The following IQUB variants were observed in gnomAD, a reference collection of about 807,000 sequenced individuals.
IQUB encodes the protein IQ motif and ubiquitin-like domain-containing protein.
Under a neutral mutation model 86.4 loss-of-function variants are expected in IQUB, and 86 were observed. The observed-to-expected ratio is 1.00, with a 90% CI of 0.84 to 1.19. IQUB has a LOEUF of 1.19. Ranked by LOEUF, IQUB falls within the 50% of genes most tolerant of loss-of-function variation. The probability of loss-of-function intolerance (pLI) is 0.00; values close to 1 mark genes in which losing one functional copy is unlikely to be tolerated. For synonymous variants in IQUB, 289 were observed against 304.5 expected (o/e 0.95, Z 0.53); for missense variants, 946 against 916.9 (o/e 1.03, Z -0.41).
At chr7:123,526,986 G>T (rs996939667) in intron 1 of IQUB, among the ~76,000 whole-genome samples, 7 of 151,946 alleles carry the variant, frequency 4.6e-5, no homozygotes, top group African/African-American at 1.5e-4. Context: ...TGAAATTCTG[G>T]GTTGAAAATT....
At chr7:123,457,283 G>T in intron 12 of IQUB, 98 bp downstream of exon 12, 5 of 1,467,724 alleles carry the variant, frequency 3.4e-6, no homozygotes, top group South Asian at 2.9e-5. Context: ...TAATCTGATG[G>T]AAGTATTTAA....
chr7:123,452,999 G>C, intron 12 of IQUB, 74 bp from the exon 13 acceptor site: 1 of 1,124,836 alleles, frequency 8.9e-7, no homozygotes, highest in South Asian at 1.6e-5. Flanking sequence ...GTCATGCCTC[G>C]GTGCCTTTGC....
At chr7:123,532,352 C>G (rs1275298472) in intron 1 of IQUB, 3 of 152,030 alleles carry the variant, frequency 2.0e-5, no homozygotes, top group Non-Finnish European at 4.4e-5. Flanking sequence ...AAAAGGAAAG[C>G]TTTGTCTTCA....
At chr7:123,461,275 C>A (rs1221655213) in intron 11 of IQUB, 82 bp downstream of exon 11, 42 of 1,358,424 alleles carry the variant, frequency 3.1e-5, no homozygotes, top group African/African-American at 4.4e-5. Context: ...CAATCACACA[C>A]ACACACACAA....
intron 9 of IQUB, among the ~76,000 whole-genome samples, chr7:123,468,548 T>A (rs199504828): frequency 2.6e-5 from 1 of 38,114 alleles, no homozygotes; most frequent in Non-Finnish European, 5.4e-5. Context: ...CAATACGTGG[T>A]CAAAATTGTC....
At chr7:123,524,867 T>A (rs1455312812) in intron 1 of IQUB, among the ~76,000 whole-genome samples, 1 of 151,520 alleles carries the variant, frequency 6.6e-6, no homozygotes, top group Non-Finnish European at 1.5e-5. Context: ...TATTTTCAGA[T>A]ACGTCCCATC....
chr7:123,528,973 A>C (rs1339302487), intron 1 of IQUB, among the ~76,000 whole-genome samples: 1 of 152,200 alleles, frequency 6.6e-6, no homozygotes, highest in Non-Finnish European at 1.5e-5. Flanking sequence ...CACATATTAA[A>C]AGTGTGAAAT....
At chr7:123,464,810 A>T (rs1319303724) in intron 10 of IQUB, 23 bp downstream of exon 10, 3 of 1,481,412 alleles carry the variant, frequency 2.0e-6, no homozygotes, top group Non-Finnish European at 2.7e-6. Context: ...TGAAACAGGA[A>T]TATAGAGAAA....
At chr7:123,457,041 C>A (rs1010149025) in intron 12 of IQUB, 14 of 319,360 alleles carry the variant, frequency 4.4e-5, no homozygotes, top group African/African-American at 3.2e-4. Context: ...AAACTCCATT[C>A]TGTGACAGGC....
At chr7:123,530,962 T>C (rs1797514242) in intron 1 of IQUB, among the ~76,000 whole-genome samples, 1 of 152,132 alleles carries the variant, frequency 6.6e-6, no homozygotes, top group African/African-American at 2.4e-5. Context: ...GGCTGCTCTT[T>C]GAGAGCTTTA....
Position 123,461,506 on chromosome 7 carries a change from G to A in IQUB, c.1858C>T (p.Arg620Cys), listed in dbSNP as rs141036933. The A allele has an allele frequency of 2.4e-5, 38 of 1,612,156 alleles. No homozygotes were observed. Among genetic ancestry groups the A allele is most frequent in the South Asian group, 3.3e-5 (3 of 91,026 alleles). Residue 620 changes from arginine (R) to cysteine (C), a missense_variant, in exon 11 of 13, where the codon CGC becomes TGC. Arg to Cys is a radical substitution (Grantham distance 180, BLOSUM62 -3). Transcript: ENST00000324698. Reference protein sequence around the residue: ...STEFSVSSTSRRIYRCRNCIN... With the variant: ...STEFSVSSTSCRIYRCRNCIN... ...CAGTTACGACACCGGTATATGCGGCGTGAGGTGGATGATACAGAAAATTCT... is the reference window on the plus strand; with the variant it reads ...CAGTTACGACACCGGTATATGCGGCATGAGGTGGATGATACAGAAAATTCT...
At chr7:123,469,186 C>A in intron 9 of IQUB, 28 bp downstream of exon 9, 2 of 1,415,580 alleles carry the variant, frequency 1.4e-6, no homozygotes, top group Non-Finnish European at 1.9e-6. Flanking sequence ...GTGAACTCTA[C>A]CCCCAAACTA....
At position 123,463,587 on chromosome 7, in the gene IQUB, T is replaced by C. The variant is rs568852338; in HGVS notation, c.1758+1246A>G. ...TGACCTTCTGAAATAGATAAAACTA[T>C]AAAAATAAAACACATATCAGTGTTT... On this transcript the variant is annotated intron_variant, in intron 10 of 12. Transcript: ENST00000324698. Among the ~76,000 whole-genome samples the C allele has an allele frequency of 4.9e-4, 74 of 151,754 alleles. 2 individuals are homozygous for C. The South Asian group carries it at 0.01, about 21-fold the overall frequency.
Position 123,457,473 on chromosome 7 carries a change from A to G in IQUB, c.2101T>C (p.Trp701Arg). The G allele has an allele frequency of 6.2e-7, 1 of 1,611,656 alleles. No individual in the cohort carries two copies. The highest frequency in any genetic ancestry group is 8.5e-7 in the Non-Finnish European group (1 of 1,178,940). Reference sequence around the variant, plus strand: ...GGGGACCACTCCAGGGATTTATTCCATCTGACCATGACCAGATCACTGAGA... The same window carrying G: ...GGGGACCACTCCAGGGATTTATTCCGTCTGACCATGACCAGATCACTGAGA... ...DNLSDLVMVR[W>R]NKSLEWSPWN... Residue 701 changes from tryptophan (W) to arginine (R), a missense_variant, in exon 12 of 13, where the codon TGG becomes CGG. Transcript: ENST00000324698.
chr7:123,482,353 C>T (rs12155437), intron 7 of IQUB, among the ~76,000 whole-genome samples: 41,521 of 151,628 alleles, frequency 0.27, 5,845 homozygotes, highest in East Asian at 0.33. Context: ...CATCAAGCTC[C>T]GAACACCAAA....
At chr7:123,474,507 T>C (rs1794666284) in intron 8 of IQUB, among the ~76,000 whole-genome samples, 1 of 152,202 alleles carries the variant, frequency 6.6e-6, no homozygotes, top group Non-Finnish European at 1.5e-5. Context: ...ATTTTATAAG[T>C]ATTCACATCA....
At chr7:123,512,575 A>G (rs1796469522) in intron 1 of IQUB, among the ~76,000 whole-genome samples, 1 of 152,160 alleles carries the variant, frequency 6.6e-6, no homozygotes, top group African/African-American at 2.4e-5. Flanking sequence ...ATATCTTGTC[A>G]TTTCTTATTT....
intron 10 of IQUB, among the ~76,000 whole-genome samples, chr7:123,463,046 T>C (rs1794075505): frequency 6.6e-6 from 1 of 151,746 alleles, no homozygotes; most frequent in African/African-American, 2.4e-5. Context: ...CAGTAACTTT[T>C]AAATCCAGCC....
rs749218052 is a variant in IQUB at position 123,457,603 on chromosome 7, T to C, written c.2008-37A>G. On this transcript the variant is annotated intron_variant, in intron 11 of 12. Transcript: ENST00000324698. ...AGCAAGTTTTAAAAACAATGTAGTT[T>C]AAATTTGTTTAAGATTATTATATTA... The C allele has an allele frequency of 9.8e-5, 143 of 1,451,994 alleles. 1 individual carries two copies. The Admixed American group carries it at 3.0e-3, about 30-fold the overall frequency. 89.9% of individuals were successfully genotyped at this position (1,451,994 alleles called of 1,614,324 possible). A position where few individuals can be genotyped will look rare whatever the true frequency, so the allele number is the denominator to read the frequency against.
Sources: gnomAD v4.1 joint callset for allele counts (sites outside exome capture counted in the v4.1 genomes callset) on GRCh38, gnomAD v4.1.1 for gene constraint, MANE v1.5 for transcripts, NCBI Gene and HGNC (gene_info 2026-07-23, HGNC 2026-07-21) for gene names.